The following LRRC4C variants were observed in gnomAD, a reference collection of about 807,000 sequenced individuals.
LRRC4C encodes the protein leucine rich repeat containing 4C.
LRRC4C carries 5 observed loss-of-function variants against 33.6 expected under a neutral mutation model. That is an observed-to-expected ratio of 0.15 (90% CI 0.08 to 0.31). The LOEUF is 0.31. Among genes scored for constraint, LRRC4C ranks in the 10% least tolerant of loss-of-function variants. The pLI is 1.00. For missense variants in LRRC4C, 560 were observed against 796.7 expected, an observed-to-expected ratio of 0.70 and a Z score of 3.58; for synonymous variants, 329 against 302.0, an observed-to-expected ratio of 1.09 and a Z score of -0.93.
At chr11:40,234,049 C>T (rs1865385541) in intron 5 of LRRC4C, among the ~76,000 whole-genome samples, 1 of 152,170 alleles carries the variant, frequency 6.6e-6, no homozygotes, top group Non-Finnish European at 1.5e-5. Context: ...GGTACTTCCC[C>T]AAGGTCATAC....
chr11:41,237,263 A>T (rs1271853860), intron 1 of LRRC4C, among the ~76,000 whole-genome samples: 2 of 152,220 alleles, frequency 1.3e-5, no homozygotes, highest in Admixed American at 1.3e-4. Context: ...AAGGAAAAAC[A>T]AATGATTCAG....
Position 40,509,029 on chromosome 11 carries a change from T to C in LRRC4C, c.-270+139113A>G, listed in dbSNP as rs1330411851. Among the ~76,000 whole-genome samples, 3 of 152,298 alleles carry C rather than the reference T, an allele frequency of 2.0e-5. No homozygotes were observed. In the East Asian group the frequency reaches 5.8e-4, roughly 29 times the overall value. On this transcript the variant is annotated intron_variant, in intron 3 of 6. Coordinates refer to ENST00000528697, the MANE Select transcript of LRRC4C (RefSeq NM_001258419.2). ...GCCAACGAGGAAATATATGTTGACA[T>C]GTCTTAAAATAAGCAGATCCATTGA... is the stretch of plus-strand genomic sequence containing the variant.
chr11:41,380,670 G>GA (rs1290118147), intron 1 of LRRC4C, among the ~76,000 whole-genome samples: 3 of 152,132 alleles, frequency 2.0e-5, no homozygotes, highest in African/African-American at 4.8e-5. Context: ...AACCCATAAA[G>GA]AAAAAATGAA....
chr11:40,444,971 C>A (rs16934840), intron 3 of LRRC4C, among the ~76,000 whole-genome samples: 2,545 of 152,242 alleles, frequency 0.017, 85 homozygotes, highest in African/African-American at 0.058. Flanking sequence ...TACATTTCTT[C>A]TTTCTTAAAT....
At chr11:40,144,874 C>T (rs1857613444) in intron 5 of LRRC4C, among the ~76,000 whole-genome samples, 1 of 152,152 alleles carries the variant, frequency 6.6e-6, no homozygotes, top group South Asian at 2.1e-4. Context: ...ATGAATCCTT[C>T]CAGGTTGTTT....
At chr11:40,452,356 A>C (rs988507832) in intron 3 of LRRC4C, among the ~76,000 whole-genome samples, 39 of 152,358 alleles carry the variant, frequency 2.6e-4, no homozygotes, top group African/African-American at 8.2e-4. Flanking sequence ...CAACCCCATC[A>C]AAAAGTGGGT....
chr11:40,690,884 C>T (rs539668909), intron 2 of LRRC4C, among the ~76,000 whole-genome samples: 33 of 152,058 alleles, frequency 2.2e-4, no homozygotes, highest in African/African-American at 7.9e-4. Context: ...ACCATAAAAA[C>T]TTAAAAGAAG....
chr11:40,655,086 C>T (rs115794635), intron 2 of LRRC4C, among the ~76,000 whole-genome samples: 1,786 of 152,324 alleles, frequency 0.012, 32 homozygotes, highest in African/African-American at 0.04. Context: ...TAACCAGTCT[C>T]AGGTACTTCT....
intron 3 of LRRC4C, among the ~76,000 whole-genome samples, chr11:40,409,021 C>T (rs185722835): frequency 2.0e-5 from 3 of 152,044 alleles, no homozygotes; most frequent in African/African-American, 7.2e-5. Flanking sequence ...TGTAAAGCTA[C>T]AGCAATCGAA....
chr11:40,587,372 T>G (rs1393602590), intron 3 of LRRC4C, among the ~76,000 whole-genome samples: 1 of 146,140 alleles, frequency 6.8e-6, no homozygotes, highest in Non-Finnish European at 1.5e-5. Context: ...AAGGAGATTT[T>G]GGGCTGAGAC....
intron 2 of LRRC4C, among the ~76,000 whole-genome samples, chr11:40,861,230 A>G (rs76421781): frequency 0.066 from 10,044 of 152,204 alleles, 605 homozygotes; most frequent in African/African-American, 0.16. Flanking sequence ...TTAAAGTAGA[A>G]TAAATTTTGA....
At chr11:40,749,316 AT>A (rs1354569869) in intron 2 of LRRC4C, among the ~76,000 whole-genome samples, 1 of 152,092 alleles carries the variant, frequency 6.6e-6, no homozygotes, top group East Asian at 1.9e-4. Flanking sequence ...ACCAAGAGGC[AT>A]TTTGGAAATG....
intron 5 of LRRC4C, among the ~76,000 whole-genome samples, chr11:40,227,928 T>C (rs1446739094): frequency 2.6e-5 from 4 of 152,168 alleles, no homozygotes; most frequent in African/African-American, 9.7e-5. Flanking sequence ...ATGAGTCATA[T>C]GTTAACCCAC....
intron 3 of LRRC4C, among the ~76,000 whole-genome samples, chr11:40,499,524 T>C (rs1291080018): frequency 1.3e-5 from 2 of 152,142 alleles, no homozygotes; most frequent in Non-Finnish European, 2.9e-5. Flanking sequence ...ACTTGCCCAT[T>C]ATGTGACTGA....
intron 1 of LRRC4C, among the ~76,000 whole-genome samples, chr11:41,375,164 G>T (rs1301394869): frequency 1.3e-5 from 2 of 152,014 alleles, no homozygotes; most frequent in Non-Finnish European, 2.9e-5. Context: ...AAAATAATTA[G>T]TGAAGCAAAT....
intron 2 of LRRC4C, among the ~76,000 whole-genome samples, chr11:40,779,277 T>G (rs974384235): frequency 6.6e-6 from 1 of 152,146 alleles, no homozygotes; most frequent in Non-Finnish European, 1.5e-5. Context: ...TTTACTGACA[T>G]AAAAAATGAA....
chr11:40,761,124 A>G (rs551293311), intron 2 of LRRC4C, among the ~76,000 whole-genome samples: 57 of 152,092 alleles, frequency 3.7e-4, no homozygotes, highest in Non-Finnish European at 6.8e-4. Context: ...ATCTGCCACT[A>G]ACAGGAGCTA....
intron 1 of LRRC4C, among the ~76,000 whole-genome samples, chr11:41,405,377 T>C (rs1004787189): frequency 6.6e-6 from 1 of 152,100 alleles, no homozygotes; most frequent in Admixed American, 6.6e-5. Context: ...CCCTGTGTCA[T>C]AGCAGGAAAA....
intron 3 of LRRC4C, among the ~76,000 whole-genome samples, chr11:40,419,481 A>G (rs1950446172): frequency 6.6e-6 from 1 of 152,178 alleles, no homozygotes; most frequent in Non-Finnish European, 1.5e-5. Context: ...GAATACCAGA[A>G]GATAGTGGAA....
Sources: allele counts gnomAD v4.1 joint callset (sites outside exome capture counted in the v4.1 genomes callset), GRCh38; gene constraint gnomAD v4.1.1; transcripts MANE v1.5; gene names NCBI Gene and HGNC (gene_info 2026-07-23, HGNC 2026-07-21).